ITGBL1: variants seen among roughly 807,000 people sequenced by gnomAD.
ITGBL1 encodes the protein integrin beta-like protein 1.
In ITGBL1, 51 loss-of-function variants were observed where a neutral mutation model predicts 68.5. The observed-to-expected ratio is 0.74, with a 90% CI of 0.59 to 0.94. The LOEUF (loss-of-function observed/expected upper bound fraction) is 0.94. Ranked by LOEUF, ITGBL1 falls within the 40% of genes least tolerant of loss-of-function variation. The probability of loss-of-function intolerance (pLI) is 0.00; values close to 1 mark genes in which losing one functional copy is unlikely to be tolerated. For missense variants in ITGBL1, 649 were observed against 647.4 expected (o/e 1.00, Z -0.03); for synonymous variants, 209 against 227.3 (o/e 0.92, Z 0.72).
intron 2 of ITGBL1, among the ~76,000 whole-genome samples, chr13:101,548,149 A>G (rs1270444420): frequency 6.6e-6 from 1 of 151,844 alleles, no homozygotes; most frequent in South Asian, 2.1e-4. Context: ...AAGAAGGTCA[A>G]TTTCCAAAGT....
chr13:101,473,372 A>C (rs566310972), intron 2 of ITGBL1, among the ~76,000 whole-genome samples: 2 of 152,264 alleles, frequency 1.3e-5, no homozygotes, highest in Admixed American at 1.3e-4. Context: ...TGATTGTGGA[A>C]CTTTGGATTG....
At position 101,460,160 on chromosome 13, in the gene ITGBL1, C is replaced by T. The variant is rs75794213; in HGVS notation, c.316+6060C>T. Among the ~76,000 whole-genome samples, 1,379 of 152,228 alleles carry T rather than the reference C, an allele frequency of 9.1e-3. 16 individuals are homozygous for T. The highest frequency in any genetic ancestry group is 0.015 in the Non-Finnish European group (1,027 of 67,998). Reference sequence around the variant, plus strand: ...CTGTCTTCCTTGCCCACTCCTTCACCTCCGTCTAGCCCATCTTGGATTTAC... The same window carrying T: ...CTGTCTTCCTTGCCCACTCCTTCACTTCCGTCTAGCCCATCTTGGATTTAC... On this transcript the variant is annotated intron_variant, in intron 2 of 10. Coordinates refer to ENST00000376180, the MANE Select transcript of ITGBL1 (RefSeq NM_004791.3).
chr13:101,469,718 C>T (rs1471853985), intron 2 of ITGBL1, among the ~76,000 whole-genome samples: 1 of 152,020 alleles, frequency 6.6e-6, no homozygotes, highest in Non-Finnish European at 1.5e-5. Flanking sequence ...AAAAACACCA[C>T]AAAAACAGAT....
At chr13:101,674,333 C>G (rs967435096) in intron 7 of ITGBL1, among the ~76,000 whole-genome samples, 2 of 152,142 alleles carry the variant, frequency 1.3e-5, no homozygotes, top group Admixed American at 6.5e-5. Flanking sequence ...TTTAAAAACC[C>G]TTGTCTTCTT....
At chr13:101,583,394 A>G in intron 6 of ITGBL1, 38 bp downstream of exon 6, 4 of 1,242,156 alleles carry the variant, frequency 3.2e-6, no homozygotes, top group African/African-American at 1.6e-5. Context: ...CTGGAGGGGG[A>G]GGTGGGGCTT....
At chr13:101,507,858 A>G (rs575642586) in intron 2 of ITGBL1, among the ~76,000 whole-genome samples, 2 of 152,344 alleles carry the variant, frequency 1.3e-5, no homozygotes, top group Admixed American at 6.5e-5. Context: ...AGTTGCATTC[A>G]TAAAACTTAG....
chr13:101,700,196 A>G (rs571894583), intron 8 of ITGBL1, among the ~76,000 whole-genome samples: 3 of 152,278 alleles, frequency 2.0e-5, no homozygotes, highest in South Asian at 4.1e-4. Flanking sequence ...GAGTGTCTCA[A>G]ATACAACAGG....
intron 2 of ITGBL1, among the ~76,000 whole-genome samples, chr13:101,467,699 G>A (rs952780509): frequency 3.9e-5 from 6 of 152,126 alleles, no homozygotes; most frequent in Admixed American, 6.6e-5. Context: ...ATTTGACTTT[G>A]TACAACCCCA....
At chr13:101,460,460 T>G (rs2139620550) in intron 2 of ITGBL1, among the ~76,000 whole-genome samples, 1 of 152,368 alleles carries the variant, frequency 6.6e-6, no homozygotes, top group South Asian at 2.1e-4. Flanking sequence ...CTGTGTTCGA[T>G]AAATGCATAT....
rs144788808 is a variant in ITGBL1 at position 101,567,336 on chromosome 13, A to C, written c.317-363A>C. On this transcript the variant is annotated intron_variant, in intron 2 of 10. Transcript: ENST00000376180. Reference sequence around the variant, plus strand: ...GTTTGTGGTTTAATGTGTTATGTAAAATACAGTAAACTAGAAGTATTTTTT... The same window carrying C: ...GTTTGTGGTTTAATGTGTTATGTAACATACAGTAAACTAGAAGTATTTTTT... Among the ~76,000 whole-genome samples the C allele has an allele frequency of 5.2e-3, 792 of 152,180 alleles. 7 individuals carry two copies. The highest frequency in any genetic ancestry group is 6.8e-3 in the Non-Finnish European group (463 of 67,980).
At chr13:101,688,842 A>G (rs769189964) in intron 7 of ITGBL1, among the ~76,000 whole-genome samples, 1 of 152,292 alleles carries the variant, frequency 6.6e-6, no homozygotes, top group Admixed American at 6.5e-5. Flanking sequence ...TATTGTGTGA[A>G]TATTTCTATA....
At chr13:101,462,922 T>C (rs1415485965) in intron 2 of ITGBL1, among the ~76,000 whole-genome samples, 1 of 152,152 alleles carries the variant, frequency 6.6e-6, no homozygotes, top group Non-Finnish European at 1.5e-5. Context: ...TAAGTGTCTT[T>C]CTAAAGCATG....
At chr13:101,466,723 G>C (rs1041244556) in intron 2 of ITGBL1, among the ~76,000 whole-genome samples, 1 of 152,090 alleles carries the variant, frequency 6.6e-6, no homozygotes, top group African/African-American at 2.4e-5. Context: ...AAAATATTTA[G>C]CACAAAAAAT....
At chr13:101,558,463 A>AT (rs978129591) in intron 2 of ITGBL1, among the ~76,000 whole-genome samples, 6 of 152,164 alleles carry the variant, frequency 3.9e-5, no homozygotes, top group Non-Finnish European at 5.9e-5. Context: ...CTGAATCTAA[A>AT]TTTTTTAAAA....
chr13:101,493,334 A>G (rs1230113963), intron 2 of ITGBL1, among the ~76,000 whole-genome samples: 1 of 151,924 alleles, frequency 6.6e-6, no homozygotes, highest in African/African-American at 2.4e-5. Context: ...GATACCAACA[A>G]TGTCACTTAT....
chr13:101,576,824 A>C (rs972113168), intron 4 of ITGBL1, among the ~76,000 whole-genome samples: 34 of 152,150 alleles, frequency 2.2e-4, no homozygotes, highest in Non-Finnish European at 2.9e-5. Flanking sequence ...CCAATGACCT[A>C]AGCAAGATGC....
At chr13:101,663,524 A>G (rs987204718) in intron 7 of ITGBL1, among the ~76,000 whole-genome samples, 10 of 152,168 alleles carry the variant, frequency 6.6e-5, no homozygotes, top group Admixed American at 3.3e-4. Context: ...TTACTTTCCT[A>G]TCAGGCCTGG....
At chr13:101,547,300 CACTT>C (rs1427145983) in intron 2 of ITGBL1, among the ~76,000 whole-genome samples, 5 of 151,818 alleles carry the variant, frequency 3.3e-5, no homozygotes, top group Non-Finnish European at 7.4e-5. Flanking sequence ...ATATTAAGCT[CACTT>C]ACTCATGTGA....
At chr13:101,664,188 C>A (rs1270367359) in intron 7 of ITGBL1, among the ~76,000 whole-genome samples, 1 of 152,156 alleles carries the variant, frequency 6.6e-6, no homozygotes, top group Admixed American at 6.5e-5. Flanking sequence ...TTATGTGCTA[C>A]ATTTGTAACT....
Sources: allele counts gnomAD v4.1 joint callset (sites outside exome capture counted in the v4.1 genomes callset), GRCh38; gene constraint gnomAD v4.1.1; transcripts MANE v1.5; gene names NCBI Gene and HGNC (gene_info 2026-07-23, HGNC 2026-07-21).